The following SLC4A4 variants were observed in gnomAD, a reference collection of about 807,000 sequenced individuals.
The protein encoded by SLC4A4 is electrogenic sodium bicarbonate cotransporter 1.
Under a neutral mutation model 111.5 loss-of-function variants are expected in SLC4A4, and 27 were observed. The ratio of observed to expected loss-of-function variants is 0.24; its 90% CI spans 0.18 to 0.33. SLC4A4 has a LOEUF of 0.33. SLC4A4 is among the 10% of genes least tolerant of loss of function. The probability of loss-of-function intolerance (pLI) is 1.00; values close to 1 mark genes in which losing one functional copy is unlikely to be tolerated. For missense variants in SLC4A4, 909 were observed against 1,315.5 expected (o/e 0.69, Z 4.78); for synonymous variants, 443 against 463.4 (o/e 0.96, Z 0.57).
rs139460902 is a variant in SLC4A4 at position 71,080,125 on chromosome 4, G to C, written c.-64-12605G>C. ...AGGTCTGAAAGGATCCTGTTGCCAG[G>C]AATCGAAGGCAGTTGTTACCTTGAC... On this transcript the variant is annotated intron_variant, in intron 1 of 26. Transcript: ENST00000649996. Among the ~76,000 whole-genome samples the C allele has an allele frequency of 6.5e-3, 990 of 152,206 alleles. 8 individuals carry two copies. The highest frequency in any genetic ancestry group is 0.017 in the Middle Eastern group (5 of 294).
intron 7 of SLC4A4, among the ~76,000 whole-genome samples, chr4:71,419,676 G>A (rs1234787420): frequency 2.0e-5 from 3 of 152,166 alleles, no homozygotes; most frequent in African/African-American, 7.2e-5. Flanking sequence ...GCCCTCCTTC[G>A]GCTCGTGCAC....
intron 2 of SLC4A4, among the ~76,000 whole-genome samples, chr4:71,102,202 G>A (rs1245691502): frequency 6.0e-5 from 9 of 150,466 alleles, no homozygotes; most frequent in South Asian, 2.1e-4. Flanking sequence ...GAAATGAAGC[G>A]AGAAGGGAAG....
At chr4:71,295,674 T>C (rs1175426322) in intron 3 of SLC4A4, among the ~76,000 whole-genome samples, 1 of 149,680 alleles carries the variant, frequency 6.7e-6, no homozygotes, top group Non-Finnish European at 1.5e-5. Context: ...CTTTCTTTTT[T>C]TTTACATGGA....
At chr4:71,398,223 T>A (rs1720008830) in intron 7 of SLC4A4, among the ~76,000 whole-genome samples, 1 of 150,582 alleles carries the variant, frequency 6.6e-6, no homozygotes, top group Non-Finnish European at 1.5e-5. Flanking sequence ...AGGCAGAGGT[T>A]GCATTGCACT....
intron 3 of SLC4A4, among the ~76,000 whole-genome samples, chr4:71,312,303 C>T (rs1383251852): frequency 1.3e-5 from 2 of 151,986 alleles, no homozygotes; most frequent in Non-Finnish European, 2.9e-5. Context: ...CAAAAAAAGC[C>T]CAGGACCTGA....
intron 3 of SLC4A4, among the ~76,000 whole-genome samples, chr4:71,310,573 A>C (rs1726057922): frequency 6.6e-6 from 1 of 152,256 alleles, no homozygotes; most frequent in African/African-American, 2.4e-5. Flanking sequence ...CCAGAATTTC[A>C]TATCCAGCCA....
At chr4:71,491,108 A>G (rs1179509481) in intron 15 of SLC4A4, among the ~76,000 whole-genome samples, 1 of 151,840 alleles carries the variant, frequency 6.6e-6, no homozygotes, top group African/African-American at 2.4e-5. Flanking sequence ...TATAATCCCA[A>G]TCACAAGCAG....
At chr4:71,281,257 C>T (rs1723490550) in intron 3 of SLC4A4, among the ~76,000 whole-genome samples, 1 of 152,186 alleles carries the variant, frequency 6.6e-6, no homozygotes, top group Non-Finnish European at 1.5e-5. Context: ...ACATTCAACG[C>T]TCTGCTTAAG....
intron 15 of SLC4A4, among the ~76,000 whole-genome samples, chr4:71,494,028 T>A (rs934312980): frequency 2.6e-5 from 4 of 152,016 alleles, no homozygotes; most frequent in Non-Finnish European, 4.4e-5. Flanking sequence ...ACACTCTTTT[T>A]TCCTGCACAT....
chr4:71,179,503 A>G (rs1160378264), intron 2 of SLC4A4, among the ~76,000 whole-genome samples: 1 of 152,158 alleles, frequency 6.6e-6, no homozygotes, highest in African/African-American at 2.4e-5. Flanking sequence ...CAACTTCAGC[A>G]AAGTCTCAGG....
intron 1 of SLC4A4, among the ~76,000 whole-genome samples, chr4:71,089,562 C>G (rs1742313757): frequency 6.6e-6 from 1 of 151,992 alleles, no homozygotes; most frequent in South Asian, 2.1e-4. Flanking sequence ...TGGTGACGTA[C>G]AGATGGTGTT....
At chr4:71,536,912 TA>T (rs1734553614) in intron 18 of SLC4A4, among the ~76,000 whole-genome samples, 1 of 151,804 alleles carries the variant, frequency 6.6e-6, no homozygotes, top group South Asian at 2.1e-4. Context: ...TGTGTATATA[TA>T]CACACATATA....
chr4:71,133,988 G>C (rs537678342), intron 2 of SLC4A4, among the ~76,000 whole-genome samples: 2 of 152,236 alleles, frequency 1.3e-5, no homozygotes, highest in East Asian at 3.9e-4. Flanking sequence ...TATGCTCCTG[G>C]CTTGCAAACA....
At chr4:71,369,634 C>A (rs762330969) in intron 6 of SLC4A4, among the ~76,000 whole-genome samples, 4 of 152,050 alleles carry the variant, frequency 2.6e-5, no homozygotes, top group Admixed American at 6.5e-5. Context: ...ACAGAATGGG[C>A]TATGGACAAC....
At chr4:71,223,377 G>A (rs1435212805) in intron 1 of SLC4A4, among the ~76,000 whole-genome samples, 3 of 151,492 alleles carry the variant, frequency 2.0e-5, no homozygotes, top group South Asian at 2.1e-4. Flanking sequence ...GGTTTTCACC[G>A]TGGTCTCAAT....
intron 7 of SLC4A4, among the ~76,000 whole-genome samples, chr4:71,404,798 CT>C (rs1039161179): frequency 2.7e-5 from 4 of 150,804 alleles, no homozygotes; most frequent in Admixed American, 6.6e-5. Flanking sequence ...GGGAATCATT[CT>C]TTTTTTTTCT....
chr4:71,554,524 T>A (rs974022573), intron 20 of SLC4A4, among the ~76,000 whole-genome samples: 4 of 151,894 alleles, frequency 2.6e-5, no homozygotes, highest in Admixed American at 1.3e-4. Context: ...TTTTAAAAGA[T>A]GTGTATTAAT....
chr4:71,391,818 A>G (rs910258331), intron 6 of SLC4A4, among the ~76,000 whole-genome samples: 1 of 152,002 alleles, frequency 6.6e-6, no homozygotes. Context: ...TTTAGGTGGA[A>G]AGGTCCTGCT....
chr4:71,107,783 T>C (rs1026899177), intron 2 of SLC4A4, among the ~76,000 whole-genome samples: 3 of 151,982 alleles, frequency 2.0e-5, no homozygotes, highest in African/African-American at 7.2e-5. Context: ...TCATAGCTCA[T>C]TGCAGCCTCA....
Sources: allele counts gnomAD v4.1 joint callset (sites outside exome capture counted in the v4.1 genomes callset), GRCh38; gene constraint gnomAD v4.1.1; transcripts MANE v1.5; gene names NCBI Gene and HGNC (gene_info 2026-07-23, HGNC 2026-07-21).